The following TMTC1 variants were observed in gnomAD, a reference collection of about 807,000 sequenced individuals.
TMTC1 encodes transmembrane O-mannosyltransferase targeting cadherins 1, also known as protein O-mannosyl-transferase TMTC1.
TMTC1 carries 73 observed loss-of-function variants against 104.8 expected under a neutral mutation model. The observed-to-expected ratio is 0.70, with a 90% CI of 0.58 to 0.85. TMTC1 has a LOEUF of 0.85. Among genes scored for constraint, TMTC1 ranks in the 40% least tolerant of loss-of-function variants. TMTC1 has a pLI of 0.00. For missense variants in TMTC1, 1,035 were observed against 1,096.1 expected, an observed-to-expected ratio of 0.94 and a Z score of 0.79; for synonymous variants, 434 against 428.7, an observed-to-expected ratio of 1.01 and a Z score of -0.15.
chr12:29,557,337 G>C (rs1945271517), intron 9 of TMTC1, among the ~76,000 whole-genome samples: 1 of 152,362 alleles, frequency 6.6e-6, no homozygotes, highest in South Asian at 2.1e-4. Context: ...TTTCTAGCCT[G>C]AGTTTGTGGC....
intron 5 of TMTC1, among the ~76,000 whole-genome samples, chr12:29,689,328 C>G (rs1373160622): frequency 6.6e-6 from 1 of 151,812 alleles, no homozygotes; most frequent in African/African-American, 2.4e-5. Context: ...GTCACCCAGG[C>G]TGGAGTGCAG....
chr12:29,531,785 T>C (rs1457954936), intron 11 of TMTC1, among the ~76,000 whole-genome samples: 4 of 152,194 alleles, frequency 2.6e-5, no homozygotes, highest in African/African-American at 9.6e-5. Flanking sequence ...AACTTTCTTC[T>C]GGACATTTTT....
intron 5 of TMTC1, among the ~76,000 whole-genome samples, chr12:29,724,341 G>A (rs1350365876): frequency 2.0e-5 from 3 of 152,210 alleles, no homozygotes; most frequent in African/African-American, 7.2e-5. Context: ...AAGAAATAGG[G>A]CCTAATTAAT....
At chr12:29,562,170 T>C (rs1945393131) in intron 9 of TMTC1, among the ~76,000 whole-genome samples, 1 of 152,186 alleles carries the variant, frequency 6.6e-6, no homozygotes, top group Non-Finnish European at 1.5e-5. Context: ...TTGTTTGAAA[T>C]TGCCATTAAC....
At chr12:29,576,892 T>G (rs1945839669) in intron 8 of TMTC1, among the ~76,000 whole-genome samples, 1 of 152,144 alleles carries the variant, frequency 6.6e-6, no homozygotes, top group African/African-American at 2.4e-5. Flanking sequence ...TCAAAACACG[T>G]TGTACACCTT....
chr12:29,612,480 T>C (rs1349293356), intron 6 of TMTC1, among the ~76,000 whole-genome samples: 5 of 152,182 alleles, frequency 3.3e-5, no homozygotes, highest in African/African-American at 9.7e-5. Flanking sequence ...AGTGGTGCAA[T>C]CTTGGCTCAC....
intron 7 of TMTC1, among the ~76,000 whole-genome samples, chr12:29,601,451 C>T (rs1161645582): frequency 6.6e-6 from 1 of 152,210 alleles, no homozygotes; most frequent in Non-Finnish European, 1.5e-5. Context: ...CTTTGTCACC[C>T]AGAACCCCCA....
chr12:29,547,863 G>C (rs1196504425), intron 10 of TMTC1, among the ~76,000 whole-genome samples: 2 of 152,204 alleles, frequency 1.3e-5, no homozygotes, highest in African/African-American at 4.8e-5. Flanking sequence ...GGATTTGGAA[G>C]AGCAAAATAA....
chr12:29,754,163 C>A (rs530929344), intron 4 of TMTC1, among the ~76,000 whole-genome samples: 3 of 126,332 alleles, frequency 2.4e-5, no homozygotes, highest in Admixed American at 9.1e-5. Flanking sequence ...CCACGCCCAG[C>A]CTAAAAGTTT....
chr12:29,514,518 T>C lies in TMTC1; in HGVS notation c.2394A>G (p.Gln798=), dbSNP rs773842796. 1 of 1,614,094 alleles carries C rather than the reference T, an allele frequency of 6.2e-7. No homozygotes were observed. The highest frequency in any genetic ancestry group is 1.7e-5 in the Admixed American group (1 of 59,994). ...TGTCGAGAAGGTTCTGCTCTCTTAA[T>C]TGGTTTCCTTTTGTGAAAAAAAGTT... ...ISELFFTKGN[Q]LREQNLLDKA... is the part of the protein sequence containing the mutation. The change falls in exon 16 of 18, where the codon CAA becomes CAG. Residue 798 remains glutamine (Q), a synonymous_variant. Transcript: ENST00000539277.
At chr12:29,688,355 CTCT>C (rs1242320851) in intron 5 of TMTC1, among the ~76,000 whole-genome samples, 1 of 152,218 alleles carries the variant, frequency 6.6e-6, no homozygotes, top group Non-Finnish European at 1.5e-5. Flanking sequence ...TCATACCATA[CTCT>C]TCAAATGCCT....
At chr12:29,577,232 C>T (rs1238389252) in intron 8 of TMTC1, among the ~76,000 whole-genome samples, 1 of 152,140 alleles carries the variant, frequency 6.6e-6, no homozygotes, top group Non-Finnish European at 1.5e-5. Context: ...AGATCAGCAT[C>T]TATCTTGTGC....
intron 7 of TMTC1, 68 bp from the exon 8 acceptor site, chr12:29,583,642 C>T: frequency 7.1e-7 from 1 of 1,401,170 alleles, no homozygotes; most frequent in Non-Finnish European, 9.7e-7. Context: ...GAATTATCTC[C>T]TACAAAACTA....
At chr12:29,511,263 T>A (rs1943827411) in intron 17 of TMTC1, among the ~76,000 whole-genome samples, 1 of 148,700 alleles carries the variant, frequency 6.7e-6, no homozygotes, top group Non-Finnish European at 1.5e-5. Flanking sequence ...CAACTCCTCC[T>A]CCTCCTTGTA....
At chr12:29,642,527 GACAA>G (rs1938899587) in intron 5 of TMTC1, among the ~76,000 whole-genome samples, 2 of 152,014 alleles carry the variant, frequency 1.3e-5, no homozygotes, top group South Asian at 2.1e-4. Context: ...GTCTTTTTCA[GACAA>G]ACAAATGCTG....
intron 7 of TMTC1, among the ~76,000 whole-genome samples, chr12:29,598,791 G>A (rs999390395): frequency 5.9e-5 from 9 of 152,100 alleles, no homozygotes; most frequent in Admixed American, 1.3e-4. Flanking sequence ...ATCCTGCAAC[G>A]CTAATGAATT....
intron 8 of TMTC1, among the ~76,000 whole-genome samples, chr12:29,579,284 T>A (rs1277830282): frequency 6.6e-6 from 1 of 152,202 alleles, no homozygotes; most frequent in East Asian, 1.9e-4. Context: ...TGTGTTTACA[T>A]TTTGTCTTTC....
At chr12:29,662,239 G>A (rs1940063788) in intron 5 of TMTC1, among the ~76,000 whole-genome samples, 1 of 151,998 alleles carries the variant, frequency 6.6e-6, no homozygotes. Context: ...AACAAAATTT[G>A]CATTAAAATC....
intron 1 of TMTC1, among the ~76,000 whole-genome samples, chr12:29,781,996 C>T (rs61922588): frequency 0.043 from 6,511 of 152,306 alleles, 234 homozygotes; most frequent in Non-Finnish European, 0.058. Context: ...GTCTCCATGG[C>T]TGTTACAAAG....
Sources: allele counts gnomAD v4.1 joint callset (sites outside exome capture counted in the v4.1 genomes callset), GRCh38; gene constraint gnomAD v4.1.1; transcripts MANE v1.5; gene names NCBI Gene and HGNC (gene_info 2026-07-23, HGNC 2026-07-21).